TARS1: variants seen among roughly 807,000 people sequenced by gnomAD.
The protein encoded by TARS1 is threonine--tRNA ligase 1, cytoplasmic.
Under a neutral mutation model 97.7 loss-of-function variants are expected in TARS1, and 57 were observed. That is an observed-to-expected ratio of 0.58 (90% CI 0.47 to 0.73). TARS1 has a LOEUF of 0.73. Among genes scored for constraint, TARS1 ranks in the 30% least tolerant of loss-of-function variants. TARS1 has a pLI of 0.00. For missense variants in TARS1, 806 were observed against 888.3 expected, an observed-to-expected ratio of 0.91 and a Z score of 1.18; for synonymous variants, 312 against 293.7, an observed-to-expected ratio of 1.06 and a Z score of -0.64.
chr5:33,464,184 A>G (rs949400198), intron 17 of TARS1, among the ~76,000 whole-genome samples: 8 of 152,144 alleles, frequency 5.3e-5, no homozygotes, highest in African/African-American at 1.4e-4. Context: ...CCCGAGTAGC[A>G]GTGACTACAG....
At chr5:33,463,727 C>A in intron 16 of TARS1, 26 bp from the exon 17 acceptor site, 1 of 1,595,818 alleles carries the variant, frequency 6.3e-7, no homozygotes, top group Non-Finnish European at 8.6e-7. Flanking sequence ...CACATCTACA[C>A]TGAATATTTT....
At chr5:33,446,340 A>C (rs1741411831) in intron 2 of TARS1, 1 of 324,098 alleles carries the variant, frequency 3.1e-6, no homozygotes, top group African/African-American at 2.1e-5. Flanking sequence ...AATTGTGAAG[A>C]AAATTGTTGA....
rs772770986 is a variant in TARS1 at position 33,458,683 on chromosome 5, TTTC to T, written c.1083+25_1083+27del. 8 of 1,571,074 alleles carry T rather than the reference TTTC, an allele frequency of 5.1e-6. No individual in the cohort carries two copies. Among genetic ancestry groups the T allele is most frequent in the East Asian group, 4.5e-5 (2 of 44,506 alleles). On this transcript the variant is annotated intron_variant, in intron 10 of 18. Coordinates refer to ENST00000265112, the MANE Select transcript of TARS1 (RefSeq NM_152295.5). ...CATTAGGGTAAGTCATATTTATTGCTTTCTTCTTTAGATTTAGGATATGTGATC... is the reference window on the plus strand; with the variant it reads ...CATTAGGGTAAGTCATATTTATTGCTTTCTTTAGATTTAGGATATGTGATC...
intron 16 of TARS1, 62 bp from the exon 17 acceptor site, chr5:33,463,691 T>G: frequency 1.5e-6 from 2 of 1,376,130 alleles, no homozygotes; most frequent in Admixed American, 1.8e-5. Flanking sequence ...GTAAGAAATA[T>G]GCTGTCCCTG....
At chr5:33,466,233 G>A (rs942004715) in intron 17 of TARS1, 4 of 152,206 alleles carry the variant, frequency 2.6e-5, no homozygotes, top group East Asian at 1.9e-4. Flanking sequence ...TCTGCCACGT[G>A]TGGGGTGATT....
intron 1 of TARS1, among the ~76,000 whole-genome samples, chr5:33,443,553 C>A (rs995084345): frequency 6.8e-6 from 1 of 146,758 alleles, no homozygotes; most frequent in African/African-American, 2.5e-5. Context: ...AGTGCAGTGG[C>A]GCGATCTCTG....
intron 11 of TARS1, 167 bp downstream of exon 11, chr5:33,460,028 CTTTT>C: frequency 7.4e-5 from 28 of 379,648 alleles, no homozygotes; most frequent in South Asian, 2.0e-4. Context: ...TAGATCCCCA[CTTTT>C]TTTTTTTTTT....
chr5:33,444,525 T>C (rs1457037074), intron 1 of TARS1, among the ~76,000 whole-genome samples: 1 of 152,252 alleles, frequency 6.6e-6, no homozygotes, highest in Non-Finnish European at 1.5e-5. Context: ...TGACTTCACT[T>C]GCTTCTAATT....
At chr5:33,445,511 T>G in intron 2 of TARS1, 107 bp downstream of exon 2, 1 of 887,422 alleles carries the variant, frequency 1.1e-6, no homozygotes, top group South Asian at 1.7e-5. Flanking sequence ...TACATGGTAG[T>G]GTAAGATGGT....
Position 33,459,832 on chromosome 5 carries a change from C to T in TARS1, c.1221C>T (p.Ala407=). The T allele has an allele frequency of 1.9e-6, 3 of 1,614,106 alleles. No homozygotes were observed. The South Asian group carries it at 3.3e-5, about 18-fold the overall frequency. ...TTGAGGTGGAGAAGGAGCTGTTTGC[C>T]CTGAAACCCATGAACTGCCCAGGAC... is the stretch of plus-strand genomic sequence containing the variant. ...FSFEVEKELF[A]LKPMNCPGHC... is the part of the protein sequence containing the mutation. Residue 407 remains alanine (A), a synonymous_variant, in exon 11 of 19, where the codon GCC becomes GCT. Coordinates refer to ENST00000265112, the MANE Select transcript of TARS1 (RefSeq NM_152295.5).
rs1482993313 is a variant in TARS1 at position 33,453,342 on chromosome 5, A to T, written c.383A>T (p.Asp128Val). The T allele has an allele frequency of 1.9e-6, 3 of 1,605,950 alleles. No homozygotes were observed. Among genetic ancestry groups the T allele is most frequent in the Non-Finnish European group, 2.5e-6 (3 of 1,178,938 alleles). Residue 128 changes from aspartate (D) to valine (V), a missense_variant, in exon 4 of 19, where the codon GAC becomes GTC. By Grantham distance (152) the Asp-to-Val change is radical. Around this residue, in one of 3 missense-constraint regions of TARS1, gnomAD observed 356 missense variants for 357.8 expected, o/e 0.99. Coordinates refer to ENST00000265112, the MANE Select transcript of TARS1 (RefSeq NM_152295.5). Reference sequence around the variant, plus strand: ...GCTAAAGTAAATAATGTTGTGTGGGACCTGGACCGCCCTCTGGAAGAAGAT... The same window carrying T: ...GCTAAAGTAAATAATGTTGTGTGGGTCCTGGACCGCCCTCTGGAAGAAGAT... The part of the protein sequence containing the change: ...VIAKVNNVVW[D>V]LDRPLEEDCT...
At chr5:33,444,656 CT>C in intron 1 of TARS1, among the ~76,000 whole-genome samples, 1 of 152,300 alleles carries the variant, frequency 6.6e-6, no homozygotes, top group Non-Finnish European at 1.5e-5. Context: ...CATTTTTTCT[CT>C]CTTTAAATTT....
chr5:33,457,716 A>G (rs1472658749), intron 9 of TARS1, among the ~76,000 whole-genome samples: 1 of 152,226 alleles, frequency 6.6e-6, no homozygotes, highest in Non-Finnish European at 1.5e-5. Flanking sequence ...GAAACCCTCT[A>G]GTTTCACTGA....
chr5:33,465,218 A>C (rs1200663432), intron 17 of TARS1, among the ~76,000 whole-genome samples: 1 of 152,236 alleles, frequency 6.6e-6, no homozygotes, highest in Non-Finnish European at 1.5e-5. Context: ...TCCATGGTTG[A>C]GTGCACTTTG....
intron 3 of TARS1, among the ~76,000 whole-genome samples, chr5:33,450,910 T>C (rs1741700061): frequency 6.6e-6 from 1 of 151,376 alleles, no homozygotes; most frequent in Non-Finnish European, 1.5e-5. Context: ...AGGTCAGGAG[T>C]TCAAGACCAG....
At chr5:33,452,293 T>A (rs1741784141) in intron 3 of TARS1, 1 of 1,364,372 alleles carries the variant, frequency 7.3e-7, no homozygotes, top group African/African-American at 1.4e-5. Context: ...TTTCTCTAGC[T>A]GTGCATTTAG....
chr5:33,441,484 T>A, intron 1 of TARS1: 1 of 248,250 alleles, frequency 4.0e-6, no homozygotes, highest in Non-Finnish European at 7.9e-6. Flanking sequence ...CTTGCGTTTA[T>A]GGCTTACTGT....
chr5:33,441,235 G>T, intron 1 of TARS1, 92 bp downstream of exon 1: 1 of 1,531,478 alleles, frequency 6.5e-7, no homozygotes, highest in Non-Finnish European at 9.0e-7. Context: ...CAGGAAGCAG[G>T]AAGCGGCCGG....
chr5:33,455,479 A>T, intron 5 of TARS1, 108 bp from the exon 6 acceptor site: 2 of 642,106 alleles, frequency 3.1e-6, no homozygotes, highest in Non-Finnish European at 5.2e-6. Flanking sequence ...CTAATTTTTT[A>T]ATATTAAAAC....
Sources: gnomAD v4.1 joint callset for allele counts (sites outside exome capture counted in the v4.1 genomes callset) on GRCh38, gnomAD v4.1.1 for gene constraint, gnomAD v4.1.1 regional missense constraint, MANE v1.5 for transcripts, NCBI Gene and HGNC (gene_info 2026-07-23, HGNC 2026-07-21) for gene names.